The following CFAP210 variants were observed in gnomAD, a reference collection of about 807,000 sequenced individuals.
The protein encoded by CFAP210 is cilia and flagella associated protein 210.
At chr2:169,658,070 G>C in the CFAP210 span, 3 of 152,106 alleles carry the variant, frequency 2.0e-5, no homozygotes, top group Non-Finnish European at 4.4e-5. Context: ...AGCAAGACGA[G>C]GGAGTAAATC....
the CFAP210 span, among the ~76,000 whole-genome samples, chr2:169,672,070 C>A: frequency 1.3e-5 from 2 of 152,210 alleles, no homozygotes; most frequent in South Asian, 4.1e-4. Flanking sequence ...TAGGTTCATC[C>A]CTATTCGTAA....
the CFAP210 span, chr2:169,681,223 GTTTC>G: frequency 6.2e-7 from 1 of 1,606,072 alleles, no homozygotes; most frequent in Admixed American, 1.7e-5. Flanking sequence ...CTTCTTCAGA[GTTTC>G]TTATTTCTAA....
At chr2:169,666,457 AATAAAGT>A in the CFAP210 span, among the ~76,000 whole-genome samples, 2 of 151,464 alleles carry the variant, frequency 1.3e-5, no homozygotes, top group Non-Finnish European at 2.9e-5. Context: ...CTCAAATCTC[AATAAAGT>A]ATAGTCACTC....
the CFAP210 span, among the ~76,000 whole-genome samples, chr2:169,677,234 C>T: frequency 2.6e-5 from 4 of 152,146 alleles, no homozygotes; most frequent in Admixed American, 6.5e-5. Flanking sequence ...ATAAACAGCA[C>T]GACTCTGATA....
the CFAP210 span, among the ~76,000 whole-genome samples, chr2:169,663,173 G>A: frequency 1.3e-4 from 20 of 152,124 alleles, no homozygotes; most frequent in Admixed American, 5.2e-4. Flanking sequence ...GCAAGACAGC[G>A]CAAGTCCAAG....
the CFAP210 span, among the ~76,000 whole-genome samples, chr2:169,671,950 A>T: frequency 2.0e-5 from 3 of 152,214 alleles, no homozygotes; most frequent in African/African-American, 7.2e-5. Context: ...ATTCAAGAAA[A>T]GGGAAAGTAA....
chr2:169,646,075 G>A, the CFAP210 span: 7 of 1,613,770 alleles, frequency 4.3e-6, no homozygotes, highest in Non-Finnish European at 5.9e-6. Flanking sequence ...TTACCTCTCT[G>A]GCATAGTCCT....
At chr2:169,677,415 A>C in the CFAP210 span, among the ~76,000 whole-genome samples, 17 of 152,366 alleles carry the variant, frequency 1.1e-4, no homozygotes, top group South Asian at 3.5e-3. Context: ...TTAAAAATCA[A>C]TCAGTGTAAT....
At chr2:169,677,005 T>A in the CFAP210 span, among the ~76,000 whole-genome samples, 3 of 152,290 alleles carry the variant, frequency 2.0e-5, no homozygotes, top group East Asian at 5.8e-4. Context: ...TCAAAGAAGT[T>A]TCCCATTCAT....
At chr2:169,651,047 T>C in the CFAP210 span, among the ~76,000 whole-genome samples, 2 of 151,266 alleles carry the variant, frequency 1.3e-5, no homozygotes, top group Non-Finnish European at 2.9e-5. Flanking sequence ...ACCAACATGG[T>C]GAAACCCTGT....
At chr2:169,662,348 C>T in the CFAP210 span, 1 of 1,605,768 alleles carries the variant, frequency 6.2e-7, no homozygotes, top group Non-Finnish European at 8.5e-7. Flanking sequence ...ATTTCAATTT[C>T]ATATAATGCA....
chr2:169,647,719 C>G, the CFAP210 span, among the ~76,000 whole-genome samples: 1 of 151,828 alleles, frequency 6.6e-6, no homozygotes. Flanking sequence ...AAATTTAAAA[C>G]TTTTATACAT....
chr2:169,677,295 T>C, the CFAP210 span, among the ~76,000 whole-genome samples: 2 of 152,292 alleles, frequency 1.3e-5, no homozygotes, highest in Non-Finnish European at 2.9e-5. Context: ...ATATCCCTCA[T>C]GAACACAGAT....
At chr2:169,650,403 C>G in the CFAP210 span, 1 of 1,601,180 alleles carries the variant, frequency 6.2e-7, no homozygotes, top group Non-Finnish European at 8.5e-7. Context: ...TCTCTTTTTT[C>G]CCATTCAGCC....
At chr2:169,653,052 A>ATATATATATATATG in the CFAP210 span, among the ~76,000 whole-genome samples, 11 of 107,154 alleles carry the variant, frequency 1.0e-4, no homozygotes, top group African/African-American at 3.9e-4. Context: ...ATATATATAT[A>ATATATATATATATG]TATATATATA....
At chr2:169,688,901 T>A in the CFAP210 span, among the ~76,000 whole-genome samples, 1 of 152,192 alleles carries the variant, frequency 6.6e-6, no homozygotes, top group South Asian at 2.1e-4. Flanking sequence ...TGGTACCAAT[T>A]TACTGTATTA....
the CFAP210 span, among the ~76,000 whole-genome samples, chr2:169,665,357 C>CTCACTGCAACCTCATAGT: frequency 1.3e-5 from 2 of 152,288 alleles, no homozygotes; most frequent in South Asian, 4.2e-4. Context: ...ACAATCATAG[C>CTCACTGCAACCTCATAGT]TCACTGCAAC....
the CFAP210 span, chr2:169,645,912 G>C: frequency 5.6e-6 from 9 of 1,613,846 alleles, no homozygotes; most frequent in Non-Finnish European, 5.9e-6. Context: ...TTATAAAAAG[G>C]GAGCTGGACT....
the CFAP210 span, chr2:169,650,270 A>C: frequency 7.2e-7 from 1 of 1,388,278 alleles, no homozygotes; most frequent in Non-Finnish European, 9.3e-7. Context: ...GATGGAAAAC[A>C]CAGTGGAAAG....
Sources: allele counts gnomAD v4.1 joint callset (sites outside exome capture counted in the v4.1 genomes callset), GRCh38; gene constraint gnomAD v4.1.1; transcripts MANE v1.5; gene names NCBI Gene and HGNC (gene_info 2026-07-23, HGNC 2026-07-21).